Variants in USO1 observed in about 807,000 individuals in gnomAD.
USO1 encodes general vesicular transport factor p115.
A neutral mutation model predicts 124.5 loss-of-function variants in USO1; 57 were observed. The ratio of observed to expected loss-of-function variants is 0.46; its 90% CI spans 0.37 to 0.57. The LOEUF (loss-of-function observed/expected upper bound fraction) is 0.57. Ranked by LOEUF, USO1 falls within the 20% of genes least tolerant of loss-of-function variation. The pLI is 0.00. For missense variants in USO1, 900 were observed against 1,040.6 expected (o/e 0.86, Z 1.86); for synonymous variants, 369 against 362.8 (o/e 1.02, Z -0.19).
chr4:75,787,242 A>G, intron 10 of USO1, 40 bp downstream of exon 10: 2 of 1,420,452 alleles, frequency 1.4e-6, no homozygotes, highest in Non-Finnish European at 1.9e-6. Flanking sequence ...GTGGAAGTTG[A>G]AATCCTGAAT....
intron 1 of USO1, among the ~76,000 whole-genome samples, chr4:75,742,303 T>G (rs1224755681): frequency 1.3e-5 from 2 of 152,108 alleles, no homozygotes; most frequent in Non-Finnish European, 1.5e-5. Context: ...AACACATGAG[T>G]AATGTGTTGT....
intron 1 of USO1, among the ~76,000 whole-genome samples, chr4:75,746,759 G>A (rs923544707): frequency 6.6e-5 from 10 of 152,154 alleles, no homozygotes; most frequent in South Asian, 2.1e-4. Flanking sequence ...TGCATAGTCC[G>A]TGTTCTCAAT....
At chr4:75,778,786 G>A (rs72858061) in intron 8 of USO1, among the ~76,000 whole-genome samples, 14,332 of 152,162 alleles carry the variant, frequency 0.094, 895 homozygotes, top group South Asian at 0.2. Flanking sequence ...ATTAATAATA[G>A]TGTATTAGTA....
At chr4:75,765,692 A>G (rs1721751600) in intron 4 of USO1, among the ~76,000 whole-genome samples, 1 of 150,504 alleles carries the variant, frequency 6.6e-6, no homozygotes. Context: ...TTTGAAAATC[A>G]CAATTTACCA....
At chr4:75,793,205 C>CTTTTT (rs67560505) in intron 12 of USO1, among the ~76,000 whole-genome samples, 2 of 87,728 alleles carry the variant, frequency 2.3e-5, no homozygotes, top group African/African-American at 8.7e-5. Flanking sequence ...TCTCTCTCTC[C>CTTTTT]TTTTTTTTTT....
chr4:75,767,444 T>C (rs1721796092), intron 4 of USO1: 2 of 447,948 alleles, frequency 4.5e-6, no homozygotes, highest in Admixed American at 2.4e-5. Flanking sequence ...GCTTTTTCTT[T>C]TAAAAGTTTG....
rs978694039 is a variant in USO1, at chr4:75,740,874, G to A, written c.67-11499G>A. Among the ~76,000 whole-genome samples, 3 of 152,098 alleles carry A rather than the reference G, an allele frequency of 2.0e-5. No individual in the cohort carries two copies. In the South Asian group the frequency reaches 6.2e-4, roughly 32 times the overall value. On this transcript the variant is annotated intron_variant, in intron 1 of 23. Coordinates refer to ENST00000514213, the MANE Select transcript of USO1 (RefSeq NM_003715.4). ...TTCACAGTCTTACTTCGCATCACTC[G>A]AAGTAATCTCTAGTAAAGTTTGGTG...
chr4:75,755,218 A>G (rs1233636139), intron 3 of USO1, among the ~76,000 whole-genome samples: 1 of 152,228 alleles, frequency 6.6e-6, no homozygotes, highest in African/African-American at 2.4e-5. Context: ...TAGTTGTTAG[A>G]AGCAGGTTAA....
chr4:75,756,507 A>ATTTT (rs5859475), intron 3 of USO1, among the ~76,000 whole-genome samples: 10 of 135,158 alleles, frequency 7.4e-5, no homozygotes, highest in African/African-American at 2.0e-4. Flanking sequence ...TTTCATAATA[A>ATTTT]TTTTTTTTTT....
At chr4:75,804,348 C>G (rs1014623416) in intron 18 of USO1, 76 bp downstream of exon 18, 11 of 1,489,538 alleles carry the variant, frequency 7.4e-6, no homozygotes, top group African/African-American at 4.2e-5. Context: ...GTAAAAGATT[C>G]TTTCTGTGGA....
intron 3 of USO1, 42 bp from the exon 4 acceptor site, chr4:75,757,455 T>G: frequency 7.1e-7 from 1 of 1,406,164 alleles, no homozygotes; most frequent in South Asian, 1.5e-5. Flanking sequence ...CAGTTTATAC[T>G]CTCATCAGCA....
intron 7 of USO1, among the ~76,000 whole-genome samples, chr4:75,774,336 G>A (rs1203650900): frequency 6.6e-6 from 1 of 152,172 alleles, no homozygotes; most frequent in African/African-American, 2.4e-5. Flanking sequence ...TGGCATTCCT[G>A]AGACAGATAC....
chr4:75,806,558 G>A lies in USO1; in HGVS notation c.2362G>A (p.Ala788Thr). Reference protein sequence around the residue: ...IVSARDSEQVAELKQELATLK... With the variant: ...IVSARDSEQVTELKQELATLK... ...TTCAGCTAGAGATTCTGAACAAGTT[G>A]CAGAATTAAAACAGGTAATTTTCCA... is the stretch of plus-strand genomic sequence containing the variant. The change falls in exon 20 of 24, where the codon GCA becomes ACA. Residue 788 changes from alanine to threonine, a missense_variant. By Grantham distance (58) the Ala-to-Thr change is moderately conservative. Transcript: ENST00000514213. 1 of 1,555,580 alleles carries A rather than the reference G, an allele frequency of 6.4e-7. No individual in the cohort carries two copies. Among genetic ancestry groups the A allele is most frequent in the Non-Finnish European group, 8.7e-7 (1 of 1,148,850 alleles).
chr4:75,780,203 A>T (rs1041661867), intron 8 of USO1, among the ~76,000 whole-genome samples: 1 of 152,174 alleles, frequency 6.6e-6, no homozygotes, highest in African/African-American at 2.4e-5. Flanking sequence ...TCAAAATATT[A>T]CTTCTCATTG....
chr4:75,811,884 GT>G (rs1021002613), intron 22 of USO1, among the ~76,000 whole-genome samples: 3 of 151,602 alleles, frequency 2.0e-5, no homozygotes, highest in African/African-American at 7.3e-5. Context: ...AAATGGTACT[GT>G]TTTTTTTAAG....
intron 13 of USO1, among the ~76,000 whole-genome samples, chr4:75,799,076 G>A (rs1722768912): frequency 6.6e-6 from 1 of 152,090 alleles, no homozygotes; most frequent in Non-Finnish European, 1.5e-5. Context: ...GGTGTGTGAT[G>A]ACTGAATTTG....
Position 75,813,420 on chromosome 4 carries a change from ATTGATATATTTTTG to A in USO1, c.*127_*140del. The A allele has an allele frequency of 2.8e-6, 3 of 1,062,578 alleles. No individual in the cohort carries two copies. Among genetic ancestry groups the A allele is most frequent in the Non-Finnish European group, 3.7e-6 (3 of 804,010 alleles). 65.8% of individuals were successfully genotyped at this position (1,062,578 alleles called of 1,614,324 possible). A position where few individuals can be genotyped will look rare whatever the true frequency, so the allele number is the denominator to read the frequency against. Reference sequence around the variant, plus strand: ...GTGGAAAACATTCACTATTAAGACTATTGATATATTTTTGTAATGTTGCCACCCATGTTGAAAAC... The same window carrying A: ...GTGGAAAACATTCACTATTAAGACTATAATGTTGCCACCCATGTTGAAAAC... On this transcript the variant is annotated 3_prime_UTR_variant, in exon 24 of 24. Transcript: ENST00000514213.
At chr4:75,731,618 A>G (rs1033433414) in intron 1 of USO1, among the ~76,000 whole-genome samples, 6 of 152,226 alleles carry the variant, frequency 3.9e-5, no homozygotes, top group Admixed American at 3.3e-4. Flanking sequence ...TATTTCATCT[A>G]AAACATAAGT....
chr4:75,762,463 G>T (rs1721644882), intron 4 of USO1, among the ~76,000 whole-genome samples: 1 of 151,434 alleles, frequency 6.6e-6, no homozygotes, highest in Non-Finnish European at 1.5e-5. Flanking sequence ...CGCCCAGCCA[G>T]AACAATATTT....
Sources: gnomAD v4.1 joint callset for allele counts (sites outside exome capture counted in the v4.1 genomes callset) on GRCh38, gnomAD v4.1.1 for gene constraint, MANE v1.5 for transcripts, NCBI Gene and HGNC (gene_info 2026-07-23, HGNC 2026-07-21) for gene names.